ZNF16: variants seen among roughly 807,000 people sequenced by gnomAD.
The protein encoded by ZNF16 is zinc finger protein 16.
Under a neutral mutation model 9.0 loss-of-function variants are expected in ZNF16, and 7 were observed. The observed-to-expected ratio is 0.78, with a 90% CI of 0.44 to 1.47. ZNF16 has a LOEUF of 1.47. Among genes scored for constraint, ZNF16 ranks in the 40% most tolerant of loss-of-function variants. ZNF16 has a pLI of 0.01. For missense variants in ZNF16, 830 were observed against 854.2 expected (o/e 0.97, Z 0.35); for synonymous variants, 312 against 301.5 (o/e 1.03, Z -0.36).
intron 1 of ZNF16, among the ~76,000 whole-genome samples, chr8:144,949,798 A>G (rs537288852): frequency 2.7e-4 from 41 of 152,248 alleles, no homozygotes; most frequent in East Asian, 1.9e-3. Flanking sequence ...ATTGTCCAAG[A>G]TTTGTCCCCA....
At chr8:144,948,697 T>G (rs1031965960) in intron 1 of ZNF16, among the ~76,000 whole-genome samples, 1 of 152,132 alleles carries the variant, frequency 6.6e-6, no homozygotes, top group Non-Finnish European at 1.5e-5. Context: ...AGCAAATATA[T>G]AAACATATGT....
At chr8:144,934,932 C>T (rs906251218) in intron 2 of ZNF16, among the ~76,000 whole-genome samples, 2 of 152,116 alleles carry the variant, frequency 1.3e-5, no homozygotes, top group African/African-American at 4.8e-5. Context: ...GATTTGGTGA[C>T]CTCTGGCTGA....
At chr8:144,943,511 T>C (rs1833851686) in intron 2 of ZNF16, among the ~76,000 whole-genome samples, 2 of 152,080 alleles carry the variant, frequency 1.3e-5, no homozygotes, top group African/African-American at 4.8e-5. Context: ...GTCCATTAAG[T>C]TCACTTTTCT....
chr8:144,942,078 C>T (rs369567991), intron 2 of ZNF16, among the ~76,000 whole-genome samples: 28 of 139,946 alleles, frequency 2.0e-4, no homozygotes, highest in Middle Eastern at 4.8e-3. Context: ...CCCGGGTTCA[C>T]GCCATTCTCC....
chr8:144,949,947 T>C (rs1054713318), intron 1 of ZNF16, among the ~76,000 whole-genome samples: 7 of 152,054 alleles, frequency 4.6e-5, no homozygotes, highest in African/African-American at 1.4e-4. Flanking sequence ...AAGGCCACTC[T>C]CTCCTGCCTG....
chr8:144,942,035 T>G (rs956200058), intron 2 of ZNF16, among the ~76,000 whole-genome samples: 3 of 147,448 alleles, frequency 2.0e-5, no homozygotes, highest in Admixed American at 6.9e-5. Context: ...TGGAGTGCAG[T>G]GGCGCGATCT....
chr8:144,941,251 TG>T (rs1281361677), intron 2 of ZNF16, among the ~76,000 whole-genome samples: 2 of 152,110 alleles, frequency 1.3e-5, no homozygotes, highest in Non-Finnish European at 2.9e-5. Flanking sequence ...CTCTTTTTTT[TG>T]ATGTGTATCT....
Position 144,931,366 on chromosome 8 carries a change from G to A in ZNF16, c.1421C>T (p.Ser474Leu). The stretch of plus-strand genomic sequence containing the variant: ...GATGATCTGGTGCTTTCGGAGCACT[G>A]AGCTATAACTAAAGGCTTTTCCACA... ...NVCGKAFSYS[S>L]VLRKHQIIHT... is the part of the protein sequence containing the mutation. The change falls in exon 3 of 3, where the codon TCA becomes TTA. Residue 474 changes from serine to leucine, a missense_variant. By Grantham distance (145) the Ser-to-Leu change is moderately radical. Transcript: ENST00000394909. 1 of 1,614,230 alleles carries A rather than the reference G, an allele frequency of 6.2e-7. No individual in the cohort carries two copies. Among genetic ancestry groups the A allele is most frequent in the African/African-American group, 1.3e-5 (1 of 75,066 alleles).
intron 2 of ZNF16, among the ~76,000 whole-genome samples, chr8:144,935,665 G>A (rs1833665176): frequency 6.6e-6 from 1 of 152,210 alleles, no homozygotes; most frequent in African/African-American, 2.4e-5. Flanking sequence ...TCTGTGAAGA[G>A]GAAACACATC....
In ZNF16 at chr8:144,946,611, C is replaced by T. The variant is rs901999506; in HGVS notation, c.-9-396G>A. On this transcript the variant is annotated intron_variant, in intron 1 of 2. Coordinates refer to ENST00000394909, the MANE Select transcript of ZNF16 (RefSeq NM_006958.3). The stretch of plus-strand genomic sequence containing the variant: ...TGTGGGTCTGTATCCTGCTGTTGGG[C>T]TTGTGTCCTGCTGTTGGGCCTGTGT... Among the ~76,000 whole-genome samples the T allele has an allele frequency of 9.5e-4, 115 of 120,678 alleles. 5 individuals are homozygous for T. Among genetic ancestry groups the T allele is most frequent in the African/African-American group, 3.5e-3 (100 of 28,730 alleles). The allele number at this position is 120,678 out of a possible 152,430, so 79.2% of individuals were successfully genotyped here. A position where few individuals can be genotyped will look rare whatever the true frequency, so the allele number is the denominator to read the frequency against.
Position 144,944,054 on chromosome 8 carries a change from GT to G in ZNF16, c.196+1956del, listed in dbSNP as rs1175553415. The G allele has an allele frequency of 1.5e-3, 209 of 141,338 alleles. 2 individuals are homozygous for G. Among genetic ancestry groups the G allele is most frequent in the Middle Eastern group, 7.5e-3 (2 of 268 alleles). 8.8% of individuals were successfully genotyped at this position (141,338 alleles called of 1,614,324 possible). On this transcript the variant is annotated intron_variant, in intron 2 of 2. Transcript: ENST00000394909. ...TTCCTGGTTCTTTTAGTTCTCTATG[GT>G]TTTTTTTTTTCTTTTTTTCTTTTTT...
chr8:144,942,126 C>T (rs2130034997), intron 2 of ZNF16, among the ~76,000 whole-genome samples: 1 of 150,794 alleles, frequency 6.6e-6, no homozygotes, highest in East Asian at 2.0e-4. Flanking sequence ...TACAGGTGCC[C>T]ACCACCTTGC....
chr8:144,946,194 T>C lies in ZNF16; in HGVS notation c.13A>G (p.Arg5Gly). 1 of 1,525,502 alleles carries C rather than the reference T, an allele frequency of 6.6e-7. No individual in the cohort carries two copies. The highest frequency in any genetic ancestry group is 8.9e-7 in the Non-Finnish European group (1 of 1,129,726). The allele number at this position is 1,525,502 out of a possible 1,614,324, so 94.5% of individuals were successfully genotyped here. MPSLRTRREEAEMEL... is the reference protein window; with the variant it reads MPSLGTRREEAEMEL... ...ATCTCTGCCTCCTCACGGCGAGTTC[T>C]GAGGCTGGGCATGACAAGGACCTGA... Residue 5 changes from arginine to glycine, a missense_variant, in exon 2 of 3, where the codon AGA becomes GGA. By Grantham distance (125) the Arg-to-Gly change is moderately radical (BLOSUM62 -2). Transcript: ENST00000394909.
In ZNF16 at chr8:144,930,713, G is replaced by C. The variant is rs758331085; in HGVS notation, c.*25C>G. ...GGAGTTGGAGAGGAAACTATGCTCG[G>C]TTTCACTCCTGCCAGCCCAACAGCC... On this transcript the variant is annotated 3_prime_UTR_variant, in exon 3 of 3. Transcript: ENST00000394909. The C allele has an allele frequency of 2.0e-6, 3 of 1,516,830 alleles. No individual in the cohort carries two copies. The South Asian group carries it at 4.0e-5, about 20-fold the overall frequency. 94.0% of individuals were successfully genotyped at this position (1,516,830 alleles called of 1,614,324 possible).
At position 144,930,756 on chromosome 8, in the gene ZNF16, C is replaced by T; in HGVS notation, c.2031G>A (p.Leu677=). 6.5e-7 allele frequency: 1 copy of T among 1,530,256 alleles called. No homozygotes were observed. The highest frequency in any genetic ancestry group is 1.3e-5 in the South Asian group (1 of 76,118). 94.8% of individuals were successfully genotyped at this position (1,530,256 alleles called of 1,614,324 possible). Residue 677 remains leucine (L), a synonymous_variant, in exon 3 of 3, where the codon TTG becomes TTA. Transcript: ENST00000394909. ...CAACAGCCTATTCCCTGGTGTGAAT[C>T]AACTGGTGTTTGATCAACTTTGATC... is the stretch of plus-strand genomic sequence containing the variant. ...SQRSKLIKHQ[L]IHTRE
chr8:144,946,278 C>A, intron 1 of ZNF16, 63 bp from the exon 2 acceptor site: 2 of 1,383,682 alleles, frequency 1.4e-6, no homozygotes, highest in Non-Finnish European at 1.9e-6. Context: ...TTCATCCTCC[C>A]ATCAGGCCGG....
rs774646503 is a variant in ZNF16 at position 144,930,740 on chromosome 8, A to G, written c.2047T>C (p.Ter683GlnextTer111). Residue 683 changes from the stop codon to glutamine, a stop_lost, in exon 3 of 3, where the codon TAG becomes CAG. Transcript: ENST00000394909. ...IKHQLIHTRE[*>Q] The stretch of plus-strand genomic sequence containing the variant: ...TTCACTCCTGCCAGCCCAACAGCCT[A>G]TTCCCTGGTGTGAATCAACTGGTGT... 1.3e-6 allele frequency: 2 copies of G among 1,523,226 alleles called. No homozygotes were observed. The highest frequency in any genetic ancestry group is 4.4e-5 in the Admixed American group (2 of 44,956). The allele number at this position is 1,523,226 out of a possible 1,614,324, so 94.4% of individuals were successfully genotyped here. A position where few individuals can be genotyped will look rare whatever the true frequency, so the allele number is the denominator to read the frequency against.
Position 144,930,802 on chromosome 8 carries a change from C to T in ZNF16, c.1985G>A (p.Cys662Tyr). Reference sequence around the variant, plus strand: ...TGATCGCTGGCTGAAGGCTTTCCCACAAGCAGCACAGTCATAGGGCTTCAC... The same window carrying T: ...TGATCGCTGGCTGAAGGCTTTCCCATAAGCAGCACAGTCATAGGGCTTCAC... The part of the protein sequence containing the change: ...TGVKPYDCAA[C>Y]GKAFSQRSKL... The change falls in exon 3 of 3, where the codon TGT (cysteine) becomes TAT (tyrosine). Residue 662 changes from cysteine (C) to tyrosine (Y), a missense_variant. Cys to Tyr is a radical substitution (Grantham distance 194, BLOSUM62 -2). Transcript: ENST00000394909. The T allele has an allele frequency of 6.4e-7, 1 of 1,554,188 alleles. No homozygotes were observed. Among genetic ancestry groups the T allele is most frequent in the East Asian group, 2.2e-5 (1 of 44,510 alleles).
In ZNF16 at chr8:144,930,964, T is replaced by C. The variant is rs140990529; in HGVS notation, c.1823A>G (p.Lys608Arg). The C allele has an allele frequency of 2.5e-6, 4 of 1,614,126 alleles. No homozygotes were observed. Among genetic ancestry groups the C allele is most frequent in the Admixed American group, 3.3e-5 (2 of 60,022 alleles). ...GAGGTGTGAGCTCTGGCTGAAGCCC[T>C]TACCACATTCAACACAGGTGTAGGG... ...EKPYTCVECG[K>R]GFSQSSHLIQ... Residue 608 changes from lysine (K) to arginine (R), a missense_variant, in exon 3 of 3, where the codon AAG becomes AGG. Lys to Arg is a conservative substitution (Grantham distance 26). Coordinates refer to ENST00000394909, the MANE Select transcript of ZNF16 (RefSeq NM_006958.3).
Sources: allele counts gnomAD v4.1 joint callset (sites outside exome capture counted in the v4.1 genomes callset), GRCh38; gene constraint gnomAD v4.1.1; transcripts MANE v1.5; gene names NCBI Gene and HGNC (gene_info 2026-07-23, HGNC 2026-07-21).